Variants in DCAF6 observed in about 807,000 individuals in gnomAD.
DCAF6 encodes the protein DDB1 and CUL4 associated factor 6, also known as DDB1- and CUL4-associated factor 6.
Under a neutral mutation model 125.1 loss-of-function variants are expected in DCAF6, and 54 were observed. That is an observed-to-expected ratio of 0.43 (90% CI 0.35 to 0.54). The LOEUF (loss-of-function observed/expected upper bound fraction) is 0.54, where lower values mean the gene tolerates loss of function less well. DCAF6 is among the 20% of genes least tolerant of loss of function. DCAF6 has a pLI of 0.01. For synonymous variants in DCAF6, 371 were observed against 390.4 expected (o/e 0.95, Z 0.58); for missense variants, 934 against 1,161.7 (o/e 0.80, Z 2.85).
chr1:167,959,210 A>C (rs1422276988), intron 2 of DCAF6, among the ~76,000 whole-genome samples: 1 of 152,176 alleles, frequency 6.6e-6, no homozygotes, highest in African/African-American at 2.4e-5. Context: ...CATAGCTTCT[A>C]GCTCATTTCT....
chr1:167,963,648 C>CGA (rs1675967531), intron 2 of DCAF6, among the ~76,000 whole-genome samples: 1 of 152,050 alleles, frequency 6.6e-6, no homozygotes, highest in Admixed American at 6.5e-5. Flanking sequence ...AGGCTGGTCT[C>CGA]TAATTCCTGA....
chr1:168,070,678 A>G (rs1572184523), intron 21 of DCAF6, among the ~76,000 whole-genome samples: 1 of 152,216 alleles, frequency 6.6e-6, no homozygotes, highest in African/African-American at 2.4e-5. Flanking sequence ...AGTTAATCTC[A>G]TGAATAATGC....
At chr1:167,896,151 C>T in the DCAF6 span, among the ~76,000 whole-genome samples, 4 of 151,668 alleles carry the variant, frequency 2.6e-5, no homozygotes, top group Admixed American at 1.3e-4. Flanking sequence ...TAGGTGTCAG[C>T]GGTGCAAGAC....
intron 2 of DCAF6, among the ~76,000 whole-genome samples, chr1:167,963,224 G>A (rs1675891121): frequency 6.6e-6 from 1 of 151,722 alleles, no homozygotes; most frequent in Non-Finnish European, 1.5e-5. Flanking sequence ...AGATCGTGCT[G>A]CTTCACTTCA....
chr1:168,063,079 T>C (rs969153708), intron 17 of DCAF6, among the ~76,000 whole-genome samples: 7 of 152,004 alleles, frequency 4.6e-5, no homozygotes, highest in Non-Finnish European at 1.0e-4. Flanking sequence ...ACCTGGCTGA[T>C]TTTTTGTATT....
the DCAF6 span, among the ~76,000 whole-genome samples, chr1:167,893,193 G>A: frequency 6.6e-6 from 1 of 152,176 alleles, no homozygotes; most frequent in Admixed American, 6.5e-5. Context: ...AAATGACTTG[G>A]AGAAATAGTG....
chr1:167,892,595 C>A, the DCAF6 span, among the ~76,000 whole-genome samples: 10 of 151,816 alleles, frequency 6.6e-5, no homozygotes, highest in Non-Finnish European at 1.3e-4. Flanking sequence ...AGAATGGCTG[C>A]GGGAGAATGG....
At chr1:167,999,487 G>C (rs1345058604) in intron 7 of DCAF6, among the ~76,000 whole-genome samples, 1 of 152,192 alleles carries the variant, frequency 6.6e-6, no homozygotes, top group Non-Finnish European at 1.5e-5. Context: ...ATCTGCTTCT[G>C]ATAGAAGGCT....
chr1:167,913,413 A>G, the DCAF6 span, among the ~76,000 whole-genome samples: 1 of 152,196 alleles, frequency 6.6e-6, no homozygotes, highest in Non-Finnish European at 1.5e-5. Context: ...AAAGAGGGAG[A>G]TACTCTGAAC....
chr1:168,012,894 T>C (rs547143950), intron 10 of DCAF6, among the ~76,000 whole-genome samples: 11 of 152,314 alleles, frequency 7.2e-5, no homozygotes, highest in African/African-American at 2.6e-4. Flanking sequence ...ACTGAGATCT[T>C]GCTGTTTGCC....
chr1:167,874,650 A>G, the DCAF6 span, among the ~76,000 whole-genome samples: 2,220 of 152,344 alleles, frequency 0.015, 24 homozygotes, highest in East Asian at 0.075. Context: ...TGCATTCACC[A>G]AAAGACTTGT....
chr1:167,891,440 A>C, the DCAF6 span, among the ~76,000 whole-genome samples: 1 of 151,576 alleles, frequency 6.6e-6, no homozygotes, highest in Admixed American at 6.6e-5. Flanking sequence ...GAAGATCACG[A>C]GGTCAGGAGA....
intron 1 of DCAF6, among the ~76,000 whole-genome samples, chr1:167,944,812 G>T (rs955387681): frequency 6.6e-6 from 1 of 152,108 alleles, no homozygotes; most frequent in African/African-American, 2.4e-5. Context: ...TAGTTTAATT[G>T]AGTCCCATTT....
the DCAF6 span, among the ~76,000 whole-genome samples, chr1:167,893,339 C>G: frequency 6.6e-6 from 1 of 152,126 alleles, no homozygotes; most frequent in African/African-American, 2.4e-5. Context: ...TGCCTGTTGT[C>G]ATATTATAAT....
intron 1 of DCAF6, among the ~76,000 whole-genome samples, chr1:167,939,421 A>G (rs1227136759): frequency 6.6e-6 from 1 of 152,046 alleles, no homozygotes; most frequent in Non-Finnish European, 1.5e-5. Flanking sequence ...TGACTTTATC[A>G]TTATTATTAA....
At chr1:167,901,816 A>AGG in the DCAF6 span, 1 of 1,614,182 alleles carries the variant, frequency 6.2e-7, no homozygotes, top group East Asian at 2.2e-5. Flanking sequence ...CTTCAGAGAG[A>AGG]GACATGCCGC....
chr1:167,937,425 C>T (rs1302688297), intron 1 of DCAF6, among the ~76,000 whole-genome samples: 1 of 152,176 alleles, frequency 6.6e-6, no homozygotes, highest in Non-Finnish European at 1.5e-5. Flanking sequence ...CCTTCAATCT[C>T]CAGAGGGTTT....
chr1:167,932,831 A>G (rs1186853214), upstream of DCAF6, among the ~76,000 whole-genome samples: 1 of 151,704 alleles, frequency 6.6e-6, no homozygotes, highest in Non-Finnish European at 1.5e-5. Flanking sequence ...AAAAAAAGAA[A>G]AGAAAAGAAA....
At position 167,942,316 on chromosome 1, in the gene DCAF6, G is replaced by A. The variant is rs1276361591; in HGVS notation, c.97+5308G>A. 9.9e-5 allele frequency among the ~76,000 whole-genome samples: 15 copies of A among 152,112 alleles called. 1 individual carries two copies. The South Asian group carries it at 3.1e-3, about 31-fold the overall frequency. On this transcript the variant is annotated intron_variant, in intron 1 of 21. Transcript: ENST00000367840. ...TGACCTCAGGTGATTGACCTGCTTC[G>A]GCCTCCCAAAGTGCTGGGATTACAA...
Sources: allele counts gnomAD v4.1 joint callset (sites outside exome capture counted in the v4.1 genomes callset), GRCh38; gene constraint gnomAD v4.1.1; transcripts MANE v1.5; gene names NCBI Gene and HGNC (gene_info 2026-07-23, HGNC 2026-07-21).